The following GLT1D1 variants were observed in gnomAD, a reference collection of about 807,000 sequenced individuals.
GLT1D1 encodes glycosyltransferase 1 domain-containing protein 1.
GLT1D1 carries 21 observed loss-of-function variants against 28.7 expected under a neutral mutation model. The ratio of observed to expected loss-of-function variants is 0.73; its 90% confidence interval spans 0.52 to 1.05. The LOEUF is 1.05. GLT1D1 is among the 50% of genes least tolerant of loss of function. The pLI is 0.00. For synonymous variants in GLT1D1, 147 were observed against 124.8 expected, an observed-to-expected ratio of 1.18 and a Z score of -1.19; for missense variants, 343 against 330.6, an observed-to-expected ratio of 1.04 and a Z score of -0.29.
At chr12:128,871,125 A>T (rs1193803688) in intron 1 of GLT1D1, among the ~76,000 whole-genome samples, 1 of 152,232 alleles carries the variant, frequency 6.6e-6, no homozygotes, top group Non-Finnish European at 1.5e-5. Context: ...CTCTCCAAGT[A>T]GAATTCAGCC....
chr12:128,973,607 C>A (rs1007839581), intron 7 of GLT1D1, among the ~76,000 whole-genome samples: 2 of 151,972 alleles, frequency 1.3e-5, no homozygotes, highest in African/African-American at 2.4e-5. Flanking sequence ...CCCGCCAAGC[C>A]GTCACACAAG....
Position 128,952,623 on chromosome 12 carries a change from C to T in GLT1D1, c.541-4922C>T, listed in dbSNP as rs149796785. On this transcript the variant is annotated intron_variant, in intron 6 of 7. Transcript: ENST00000281703. The stretch of plus-strand genomic sequence containing the variant: ...CTGGGATGACAGGCCTGCGCCACCA[C>T]GCTTGGCTAATTTTGTATTTTTTTT... Among the ~76,000 whole-genome samples the T allele has an allele frequency of 2.0e-3, 303 of 151,078 alleles. 9 individuals are homozygous for T. In the East Asian group the frequency reaches 0.048, roughly 24 times the overall value.
intron 7 of GLT1D1, 21 bp from the exon 12 acceptor site, chr12:128,982,908 C>A: frequency 6.2e-7 from 1 of 1,612,588 alleles, no homozygotes; most frequent in Admixed American, 1.7e-5. Flanking sequence ...TTTATGTCTA[C>A]TTCTCCTTCC....
chr12:128,864,994 C>T (rs1427794676), intron 1 of GLT1D1, among the ~76,000 whole-genome samples: 1 of 152,206 alleles, frequency 6.6e-6, no homozygotes, highest in African/African-American at 2.4e-5. Context: ...AAGGTGTCAC[C>T]ACCCCAGCCC....
At chr12:128,876,399 C>A (rs1399226784) in intron 2 of GLT1D1, among the ~76,000 whole-genome samples, 2 of 152,164 alleles carry the variant, frequency 1.3e-5, no homozygotes, top group African/African-American at 4.8e-5. Flanking sequence ...ACCTCCGCTT[C>A]CTGGGCTCAA....
chr12:128,961,111 G>A (rs996055608), intron 7 of GLT1D1, among the ~76,000 whole-genome samples: 2 of 152,152 alleles, frequency 1.3e-5, no homozygotes, highest in African/African-American at 2.4e-5. Context: ...TTTTCATTTT[G>A]TGAATCTTTT....
At chr12:128,922,508 T>G (rs932050832) in intron 4 of GLT1D1, among the ~76,000 whole-genome samples, 13 of 152,224 alleles carry the variant, frequency 8.5e-5, no homozygotes, top group African/African-American at 2.9e-4. Context: ...TTCAAATGCC[T>G]AACCTCAAAT....
chr12:128,928,277 C>T (rs749148540), intron 4 of GLT1D1, among the ~76,000 whole-genome samples: 16 of 152,056 alleles, frequency 1.1e-4, no homozygotes, highest in African/African-American at 1.9e-4. Context: ...CCGAGAAACA[C>T]GCTGGGATGG....
chr12:128,882,964 T>C (rs2135816132), intron 2 of GLT1D1, among the ~76,000 whole-genome samples: 1 of 151,852 alleles, frequency 6.6e-6, no homozygotes, highest in Non-Finnish European at 1.5e-5. Flanking sequence ...TCTCACTCTG[T>C]CGCCAGGCTG....
At chr12:128,910,683 CTT>C (rs34557975) in intron 4 of GLT1D1, among the ~76,000 whole-genome samples, 5 of 142,020 alleles carry the variant, frequency 3.5e-5, no homozygotes, top group Admixed American at 7.0e-5. Flanking sequence ...CGCCTTTAGC[CTT>C]TTTTTTTTTT....
intron 4 of GLT1D1, among the ~76,000 whole-genome samples, chr12:128,941,557 C>G (rs1382742111): frequency 6.8e-6 from 1 of 147,996 alleles, no homozygotes; most frequent in Non-Finnish European, 1.5e-5. Flanking sequence ...TCTTCTTTCT[C>G]TCTCTCTTTC....
At chr12:128,939,964 T>C (rs1875011815) in intron 4 of GLT1D1, among the ~76,000 whole-genome samples, 2 of 151,038 alleles carry the variant, frequency 1.3e-5, no homozygotes, top group African/African-American at 4.9e-5. Context: ...TTTTAATATA[T>C]ATATATATAT....
intron 7 of GLT1D1, among the ~76,000 whole-genome samples, chr12:128,968,588 G>A (rs1410383732): frequency 5.9e-5 from 9 of 152,088 alleles, no homozygotes; most frequent in South Asian, 2.1e-4. Context: ...ACTTGAACCC[G>A]GAGGGTGGGG....
At chr12:128,879,835 T>C (rs182098046) in intron 2 of GLT1D1, among the ~76,000 whole-genome samples, 161 of 152,342 alleles carry the variant, frequency 1.1e-3, no homozygotes, top group African/African-American at 3.7e-3. Context: ...TAGGTCTGTA[T>C]ATTTAACTCA....
chr12:128,867,745 G>A (rs1012859686), intron 1 of GLT1D1, among the ~76,000 whole-genome samples: 2 of 152,312 alleles, frequency 1.3e-5, no homozygotes, highest in Non-Finnish European at 1.5e-5. Flanking sequence ...AAGACTGGGG[G>A]ACGGGAGTGG....
chr12:128,965,728 A>AGAAAG (rs796436442), intron 7 of GLT1D1, among the ~76,000 whole-genome samples: 8 of 140,148 alleles, frequency 5.7e-5, no homozygotes, highest in African/African-American at 2.2e-4. Flanking sequence ...AAAAAAAAAA[A>AGAAAG]AAAAAAAGAA....
intron 4 of GLT1D1, chr12:128,907,011 T>C (rs1348626212): frequency 1.4e-6 from 1 of 700,654 alleles, no homozygotes; most frequent in Non-Finnish European, 2.6e-6. Context: ...ATGAGCTGCG[T>C]GTCTCCTTAT....
At chr12:128,853,762 C>A (rs1956132552) in intron 1 of GLT1D1, 113 bp downstream of exon 1, 12 of 694,494 alleles carry the variant, frequency 1.7e-5, no homozygotes, top group South Asian at 1.3e-4. Context: ...GCGCCGGGGC[C>A]GTCCCGAGCC....
intron 7 of GLT1D1, among the ~76,000 whole-genome samples, chr12:128,957,954 G>A (rs1877466147): frequency 6.6e-6 from 1 of 152,224 alleles, no homozygotes; most frequent in Non-Finnish European, 1.5e-5. Context: ...ACACAACCTT[G>A]TATTTATGGA....
Sources: allele counts gnomAD v4.1 joint callset (sites outside exome capture counted in the v4.1 genomes callset), GRCh38; gene constraint gnomAD v4.1.1; transcripts MANE v1.5; gene names NCBI Gene and HGNC (gene_info 2026-07-23, HGNC 2026-07-21).